The following PTPRD variants were observed in gnomAD, a reference collection of about 807,000 sequenced individuals.
The protein encoded by PTPRD is receptor-type tyrosine-protein phosphatase delta.
In PTPRD, 34 loss-of-function variants were observed where a neutral mutation model predicts 214.5. The ratio of observed to expected loss-of-function variants is 0.16; its 90% CI spans 0.12 to 0.21. PTPRD has a LOEUF of 0.21. Ranked by LOEUF, PTPRD falls within the 10% of genes least tolerant of loss-of-function variation. The pLI, the probability that PTPRD is intolerant of heterozygous loss-of-function variation, is 1.00. For missense variants in PTPRD, 2,545 were observed against 2,398.7 expected, an observed-to-expected ratio of 1.06 and a Z score of -1.27; for synonymous variants, 1,128 against 845.7, an observed-to-expected ratio of 1.33 and a Z score of -5.79.
chr9:8,488,388 TTAGA>T (rs1204953449), intron 27 of PTPRD, among the ~76,000 whole-genome samples: 2 of 152,234 alleles, frequency 1.3e-5, no homozygotes, highest in Admixed American at 6.5e-5. Flanking sequence ...TCTAAAGTTT[TTAGA>T]TAAATAATTA....
At chr9:8,564,210 T>C (rs1375966542) in intron 14 of PTPRD, among the ~76,000 whole-genome samples, 1 of 152,156 alleles carries the variant, frequency 6.6e-6, no homozygotes, top group East Asian at 1.9e-4. Context: ...CTAATGTAAG[T>C]ATTCTAAGCA....
At chr9:10,036,263 C>T (rs531273247) in intron 3 of PTPRD, among the ~76,000 whole-genome samples, 1 of 152,136 alleles carries the variant, frequency 6.6e-6, no homozygotes. Context: ...TCCTTGACAT[C>T]TAAGACATAC....
chr9:10,553,936 G>A (rs533341255), intron 2 of PTPRD, among the ~76,000 whole-genome samples: 1 of 152,206 alleles, frequency 6.6e-6, no homozygotes, highest in African/African-American at 2.4e-5. Flanking sequence ...CTCAGTTTCT[G>A]GGAGACTGCT....
intron 2 of PTPRD, among the ~76,000 whole-genome samples, chr9:10,474,126 C>T (rs1439368272): frequency 1.3e-5 from 2 of 152,062 alleles, no homozygotes; most frequent in Non-Finnish European, 2.9e-5. Flanking sequence ...ATCAAATTCA[C>T]ACATAACAAT....
intron 8 of PTPRD, among the ~76,000 whole-genome samples, chr9:9,426,283 C>A (rs1419646456): frequency 6.6e-6 from 1 of 152,178 alleles, no homozygotes; most frequent in Non-Finnish European, 1.5e-5. Flanking sequence ...CTCAGAGGGT[C>A]CCACGCCCAT....
At chr9:8,712,282 C>T (rs775518202) in intron 12 of PTPRD, among the ~76,000 whole-genome samples, 1 of 152,136 alleles carries the variant, frequency 6.6e-6, no homozygotes, top group Non-Finnish European at 1.5e-5. Flanking sequence ...CCTGTATCAA[C>T]AGTATTTTCT....
chr9:9,960,222 G>GA (rs35855733), intron 4 of PTPRD, among the ~76,000 whole-genome samples: 39,098 of 123,916 alleles, frequency 0.32, 6,342 homozygotes, highest in African/African-American at 0.47. Context: ...ATGAAAATTT[G>GA]AAAAAAAAAA....
intron 10 of PTPRD, chr9:9,091,081 T>A: frequency 6.9e-7 from 1 of 1,456,810 alleles, no homozygotes; most frequent in Middle Eastern, 2.2e-4. Flanking sequence ...CTTCGATGCC[T>A]ATGTGCTTCC....
intron 2 of PTPRD, among the ~76,000 whole-genome samples, chr9:10,357,401 C>G (rs927507937): frequency 1.3e-5 from 2 of 152,252 alleles, no homozygotes; most frequent in Middle Eastern, 6.8e-3. Flanking sequence ...GTGTTCAATG[C>G]CTTGATTTCA....
chr9:9,902,080 A>C (rs2076532509), intron 5 of PTPRD, among the ~76,000 whole-genome samples: 1 of 151,948 alleles, frequency 6.6e-6, no homozygotes, highest in African/African-American at 2.4e-5. Context: ...GGCTGCTTCT[A>C]CTCTTACCAA....
At chr9:9,743,591 ACCTGTT>A (rs1313434263) in intron 6 of PTPRD, among the ~76,000 whole-genome samples, 2 of 151,942 alleles carry the variant, frequency 1.3e-5, no homozygotes, top group Non-Finnish European at 2.9e-5. Context: ...TCTTGACACT[ACCTGTT>A]CACAATCCAC....
At chr9:10,394,826 C>A (rs1342801394) in intron 2 of PTPRD, among the ~76,000 whole-genome samples, 1 of 151,768 alleles carries the variant, frequency 6.6e-6, no homozygotes, top group Non-Finnish European at 1.5e-5. Context: ...AAATTAGAAA[C>A]TTGAATGATG....
intron 2 of PTPRD, among the ~76,000 whole-genome samples, chr9:10,543,186 C>T (rs2059497343): frequency 6.6e-6 from 1 of 152,028 alleles, no homozygotes; most frequent in Admixed American, 6.6e-5. Flanking sequence ...CGCCCGGCCA[C>T]TAGCTTTTCA....
intron 3 of PTPRD, among the ~76,000 whole-genome samples, chr9:10,200,182 C>T (rs7021936): frequency 0.014 from 2,135 of 152,134 alleles, 52 homozygotes; most frequent in African/African-American, 0.048. Flanking sequence ...ACCTCTTTGA[C>T]ATAATGCTAA....
chr9:9,379,683 T>C (rs1576969), intron 9 of PTPRD, among the ~76,000 whole-genome samples: 36,156 of 151,826 alleles, frequency 0.24, 4,334 homozygotes, highest in Middle Eastern at 0.36. Flanking sequence ...TATATTTCCA[T>C]AAATTTGGTT....
chr9:9,743,487 A>C (rs556243050), intron 6 of PTPRD, among the ~76,000 whole-genome samples: 49 of 152,106 alleles, frequency 3.2e-4, no homozygotes, highest in Non-Finnish European at 5.9e-4. Context: ...GCTTGTACTC[A>C]AGTGAGGGCT....
At chr9:9,307,536 C>T (rs916226943) in intron 9 of PTPRD, among the ~76,000 whole-genome samples, 4 of 152,114 alleles carry the variant, frequency 2.6e-5, no homozygotes, top group Non-Finnish European at 5.9e-5. Flanking sequence ...AGTGGCTGTG[C>T]TGTTATATCA....
chr9:9,269,142 T>A (rs1020601151), intron 9 of PTPRD, among the ~76,000 whole-genome samples: 2 of 151,292 alleles, frequency 1.3e-5, no homozygotes, highest in African/African-American at 2.4e-5. Flanking sequence ...AAAATATACA[T>A]GGAACCCATA....
intron 8 of PTPRD, among the ~76,000 whole-genome samples, chr9:9,500,946 A>G (rs1016322561): frequency 6.6e-6 from 1 of 152,022 alleles, no homozygotes; most frequent in Non-Finnish European, 1.5e-5. Context: ...GTACACACTG[A>G]TAAGTTAAGG....
Sources: allele counts gnomAD v4.1 joint callset (sites outside exome capture counted in the v4.1 genomes callset), GRCh38; gene constraint gnomAD v4.1.1; transcripts MANE v1.5; gene names NCBI Gene and HGNC (gene_info 2026-07-23, HGNC 2026-07-21).